ANAPC1: variants seen among roughly 807,000 people sequenced by gnomAD.
ANAPC1 encodes anaphase-promoting complex subunit 1.
In ANAPC1, 36 loss-of-function variants were observed where a neutral mutation model predicts 208.0. That is an observed-to-expected ratio of 0.17 (90% CI 0.13 to 0.23). The LOEUF is 0.23. ANAPC1 is among the 10% of genes least tolerant of loss of function. The probability of loss-of-function intolerance (pLI) is 1.00; values close to 1 mark genes in which losing one functional copy is unlikely to be tolerated. For missense variants in ANAPC1, 942 were observed against 2,011.6 expected (o/e 0.47, Z 10.17); for synonymous variants, 378 against 695.2 (o/e 0.54, Z 7.18).
chr2:111,884,024 G>A lies in ANAPC1; in HGVS notation c.-107C>T, dbSNP rs1261619688. ...GGGGCCGAGGAGGCCCGAGGGCAGC[G>A]GCGGGGTCCTTCACAGTGACTCTTG... On this transcript the variant is annotated 5_prime_UTR_variant, in exon 1 of 48. Transcript: ENST00000341068. The A allele has an allele frequency of 3.3e-5, 5 of 152,458 alleles. No homozygotes were observed. Among genetic ancestry groups the A allele is most frequent in the Non-Finnish European group, 5.9e-5 (4 of 68,218 alleles). 9.4% of individuals were successfully genotyped at this position (152,458 alleles called of 1,614,324 possible).
Position 111,769,883 on chromosome 2 carries a change from C to T in ANAPC1, c.5720-477G>A, listed in dbSNP as rs1676635015. 3.3e-5 allele frequency among the ~76,000 whole-genome samples: 5 copies of T among 151,006 alleles called. No homozygotes were observed. The South Asian group carries it at 6.3e-4, about 19-fold the overall frequency. The stretch of plus-strand genomic sequence containing the variant: ...ATTTTTAGTAGAGATGGGGTTTCAA[C>T]GTGTTAGCCAGGATGGTCTCGATCT... On this transcript the variant is annotated intron_variant, in intron 47 of 47. Coordinates refer to ENST00000341068, the MANE Select transcript of ANAPC1 (RefSeq NM_022662.4).
chr2:111,854,391 T>C (rs552832260), intron 13 of ANAPC1, among the ~76,000 whole-genome samples: 3 of 152,252 alleles, frequency 2.0e-5, no homozygotes, highest in South Asian at 4.2e-4. Flanking sequence ...TTAAGGGCCC[T>C]AAGATTTTTG....
intron 16 of ANAPC1, among the ~76,000 whole-genome samples, chr2:111,843,820 CTTT>C (rs369036574): frequency 3.5e-5 from 3 of 86,828 alleles, no homozygotes; most frequent in Admixed American, 3.4e-4. Context: ...CTGAAGACAG[CTTT>C]TTTTTTTTTT....
intron 43 of ANAPC1, among the ~76,000 whole-genome samples, chr2:111,781,022 A>AT (rs1677243126): frequency 6.6e-6 from 1 of 151,442 alleles, no homozygotes; most frequent in South Asian, 2.1e-4. Context: ...AACAATGTGA[A>AT]TGCACTTAGT....
chr2:111,837,833 C>T (rs545768342), intron 18 of ANAPC1, among the ~76,000 whole-genome samples: 2 of 152,122 alleles, frequency 1.3e-5, no homozygotes, highest in South Asian at 4.1e-4. Flanking sequence ...CCTGTAATCC[C>T]AGCACTTTGG....
chr2:111,781,074 T>C (rs1461877659), intron 43 of ANAPC1, among the ~76,000 whole-genome samples: 3 of 150,152 alleles, frequency 2.0e-5, no homozygotes, highest in African/African-American at 7.3e-5. Flanking sequence ...CAATAAATTG[T>C]GTGCATTTTA....
Position 111,872,650 on chromosome 2 carries a change from T to A in ANAPC1, c.591A>T (p.Glu197Asp). Reference protein sequence around the residue: ...LLFERSASSHEVPPGSPREPL... With the variant: ...LLFERSASSHDVPPGSPREPL... ...AATACCTGGGTGAACCTGGAGGTAC[T>A]TCATGTGAAGAAGCGCTTCGTTCAA... The change falls in exon 6 of 48, where the codon GAA becomes GAT. Residue 197 changes from glutamate to aspartate, a missense_variant. Glu to Asp is a conservative substitution (Grantham distance 45). Transcript: ENST00000341068. 1.2e-6 allele frequency: 2 copies of A among 1,613,296 alleles called. No homozygotes were observed. Among genetic ancestry groups the A allele is most frequent in the Middle Eastern group, 1.7e-4 (1 of 6,054 alleles).
At chr2:111,868,810 G>A (rs1221163743) in intron 6 of ANAPC1, among the ~76,000 whole-genome samples, 2 of 152,196 alleles carry the variant, frequency 1.3e-5, no homozygotes, top group Non-Finnish European at 1.5e-5. Flanking sequence ...TGGGATTACA[G>A]GCGTGAGCCA....
intron 28 of ANAPC1, among the ~76,000 whole-genome samples, chr2:111,809,909 T>C (rs1180421879): frequency 6.7e-6 from 1 of 148,432 alleles, no homozygotes; most frequent in Non-Finnish European, 1.5e-5. Context: ...AGTTACCATA[T>C]AACCCAGCAA....
chr2:111,772,552 T>C (rs1676798381), intron 46 of ANAPC1, 77 bp from the exon 47 acceptor site: 2 of 612,800 alleles, frequency 3.3e-6, no homozygotes, highest in East Asian at 6.4e-5. Context: ...TATTACTTTT[T>C]CATCAAGAAC....
intron 13 of ANAPC1, among the ~76,000 whole-genome samples, chr2:111,855,253 T>C (rs1681636278): frequency 6.6e-6 from 1 of 152,168 alleles, no homozygotes; most frequent in South Asian, 2.1e-4. Context: ...CCCAAAAGAA[T>C]TCCAATAGTA....
chr2:111,799,112 T>C (rs1276557583), intron 34 of ANAPC1, among the ~76,000 whole-genome samples: 2 of 148,924 alleles, frequency 1.3e-5, no homozygotes, highest in Non-Finnish European at 3.0e-5. Flanking sequence ...GTAATAAAAA[T>C]ACAAATTTTT....
intron 38 of ANAPC1, among the ~76,000 whole-genome samples, chr2:111,790,284 C>G (rs1434743771): frequency 6.6e-6 from 1 of 151,902 alleles, no homozygotes; most frequent in Non-Finnish European, 1.5e-5. Context: ...TAGTATGGAA[C>G]AGATTCCAAT....
At chr2:111,808,679 A>G (rs911637655) in intron 29 of ANAPC1, among the ~76,000 whole-genome samples, 87 of 151,848 alleles carry the variant, frequency 5.7e-4, no homozygotes, top group African/African-American at 2.1e-3. Context: ...GCTGATTAAA[A>G]CCACAGGTAC....
intron 10 of ANAPC1, among the ~76,000 whole-genome samples, 161 bp from the exon 11 acceptor site, chr2:111,858,562 T>C (rs557467061): frequency 2.8e-4 from 43 of 152,020 alleles, no homozygotes; most frequent in Admixed American, 5.2e-4. Context: ...AGATCCAGAC[T>C]ATCCTGGCTA....
chr2:111,869,084 G>T (rs2104580661), intron 6 of ANAPC1, among the ~76,000 whole-genome samples: 1 of 152,222 alleles, frequency 6.6e-6, no homozygotes, highest in East Asian at 1.9e-4. Flanking sequence ...ACTAGGCCCT[G>T]TGTCAAAGCT....
chr2:111,880,294 C>G (rs74577392), intron 2 of ANAPC1, among the ~76,000 whole-genome samples: 5 of 151,062 alleles, frequency 3.3e-5, no homozygotes, highest in Admixed American at 3.3e-4. Context: ...ATCACTTGAA[C>G]CCGGGAGGCA....
chr2:111,830,174 T>G (rs187583715), intron 21 of ANAPC1, among the ~76,000 whole-genome samples: 2 of 152,210 alleles, frequency 1.3e-5, no homozygotes, highest in Non-Finnish European at 2.9e-5. Context: ...CTACAGTAAT[T>G]ACAGCGTAGA....
At chr2:111,870,324 G>A (rs927098957) in intron 6 of ANAPC1, among the ~76,000 whole-genome samples, 49 of 152,134 alleles carry the variant, frequency 3.2e-4, no homozygotes, top group Non-Finnish European at 5.6e-4. Flanking sequence ...TACTAATTAT[G>A]TTCCCACCAG....
Sources: allele counts gnomAD v4.1 joint callset (sites outside exome capture counted in the v4.1 genomes callset), GRCh38; gene constraint gnomAD v4.1.1; transcripts MANE v1.5; gene names NCBI Gene and HGNC (gene_info 2026-07-23, HGNC 2026-07-21).